The following TEX264 variants were observed in gnomAD, a reference collection of about 807,000 sequenced individuals.
The protein encoded by TEX264 is testis-expressed protein 264.
A neutral mutation model predicts 23.4 loss-of-function variants in TEX264; 13 were observed. The observed-to-expected ratio is 0.56, with a 90% CI of 0.36 to 0.88. The LOEUF (loss-of-function observed/expected upper bound fraction) is 0.88, where lower values mean the gene tolerates loss of function less well. TEX264 is among the 40% of genes least tolerant of loss of function. The pLI is 0.01. For missense variants in TEX264, 340 were observed against 406.8 expected (o/e 0.84, Z 1.41); for synonymous variants, 159 against 170.0 (o/e 0.94, Z 0.50).
intron 4 of TEX264, among the ~76,000 whole-genome samples, chr3:51,701,272 G>A (rs1660770287): frequency 1.3e-5 from 2 of 151,732 alleles, no homozygotes; most frequent in East Asian, 1.9e-4. Context: ...ACCTCCTCCT[G>A]TGTAGATCTT....
chr3:51,684,935 A>G (rs1229878966), intron 3 of TEX264, among the ~76,000 whole-genome samples: 1 of 152,080 alleles, frequency 6.6e-6, no homozygotes, highest in Non-Finnish European at 1.5e-5. Flanking sequence ...CTTATCCCAC[A>G]CTCCTGGCTC....
chr3:51,673,478 G>A (rs1553694019), intron 1 of TEX264, among the ~76,000 whole-genome samples: 3 of 151,752 alleles, frequency 2.0e-5, no homozygotes, highest in Admixed American at 6.6e-5. Flanking sequence ...CCTGCTGTGC[G>A]ACTCCCCTTT....
rs755070061 is a variant in TEX264 at position 51,703,054 on chromosome 3, C to T, written c.650-670C>T. On this transcript the variant is annotated intron_variant, in intron 4 of 4. Coordinates refer to ENST00000341333, the MANE Select transcript of TEX264 (RefSeq NM_015926.6). This position sits in a 1 kb window ranked among gnomAD's most constrained non-coding sequence, Gnocchi z 4.8. Reference sequence around the variant, plus strand: ...AGGCATAGGGAGAGAAAACCCTTAACATGTTTCATCCCAGCACCCTCCTCC... The same window carrying T: ...AGGCATAGGGAGAGAAAACCCTTAATATGTTTCATCCCAGCACCCTCCTCC... 2.6e-4 allele frequency among the ~76,000 whole-genome samples: 39 copies of T among 152,252 alleles called. No individual in the cohort carries two copies. Among genetic ancestry groups the T allele is most frequent in the Non-Finnish European group, 4.0e-4 (27 of 67,976 alleles).
intron 2 of TEX264, among the ~76,000 whole-genome samples, chr3:51,678,445 A>C (rs762963363): frequency 6.6e-6 from 1 of 152,172 alleles, no homozygotes; most frequent in Non-Finnish European, 1.5e-5. Context: ...GGCTTAAGCA[A>C]CCTGCCTGCT....
Position 51,691,522 on chromosome 3 carries a change from G to A in TEX264, c.480+6888G>A, listed in dbSNP as rs985041173. Among the ~76,000 whole-genome samples the A allele has an allele frequency of 1.3e-5, 2 of 152,204 alleles. No homozygotes were observed. Among genetic ancestry groups the A allele is most frequent in the Admixed American group, 6.5e-5 (1 of 15,292 alleles). On this transcript the variant is annotated intron_variant, in intron 3 of 4. Transcript: ENST00000341333. The surrounding 1 kb of genome is among the most constrained non-coding windows in gnomAD (Gnocchi z 4.4). ...AAAGGCAAAACAACCCTTGTGCGGT[G>A]GTGGCATTTGGGCTGCACCTATAAG... is the stretch of plus-strand genomic sequence containing the variant.
rs543740191 is a variant in TEX264, at chr3:51,686,883, G to A, written c.480+2249G>A. 4.1e-4 allele frequency among the ~76,000 whole-genome samples: 63 copies of A among 152,328 alleles called. No homozygotes were observed. The South Asian group carries it at 4.3e-3, about 11-fold the overall frequency. On this transcript the variant is annotated intron_variant, in intron 3 of 4. Transcript: ENST00000341333. This position sits in a 1 kb window ranked among gnomAD's most constrained non-coding sequence, Gnocchi z 4.1. Reference sequence around the variant, plus strand: ...GGTTCCAGACCTCAGAACAGGACATGTGGCATGTGGTGTGGTGGTGAGCAA... The same window carrying A: ...GGTTCCAGACCTCAGAACAGGACATATGGCATGTGGTGTGGTGGTGAGCAA...
chr3:51,675,921 A>G (rs1702211404), intron 2 of TEX264, among the ~76,000 whole-genome samples: 2 of 152,104 alleles, frequency 1.3e-5, no homozygotes, highest in South Asian at 4.1e-4. Context: ...ACAATTTGCC[A>G]CCTTTGTTTT....
chr3:51,672,229 T>C (rs954280327), intron 1 of TEX264: 2 of 152,158 alleles, frequency 1.3e-5, no homozygotes, highest in Non-Finnish European at 2.9e-5. Context: ...TTCTTTCAGC[T>C]CCCAGCACTG....
At chr3:51,676,816 A>C (rs1702247339) in intron 2 of TEX264, among the ~76,000 whole-genome samples, 1 of 152,186 alleles carries the variant, frequency 6.6e-6, no homozygotes, top group African/African-American at 2.4e-5. Flanking sequence ...AGACTGAGCA[A>C]ACCTAGACCC....
intron 2 of TEX264, among the ~76,000 whole-genome samples, chr3:51,679,496 T>G (rs1702349019): frequency 6.6e-6 from 1 of 152,212 alleles, no homozygotes; most frequent in Non-Finnish European, 1.5e-5. Context: ...GACTCCTGGA[T>G]GCCCCTGGGT....
rs1215494141 is a variant in TEX264 at position 51,674,338 on chromosome 3, G to A, written c.34G>A (p.Gly12Ser). Residue 12 changes from glycine to serine, a missense_variant, in exon 2 of 5, where the codon GGC becomes AGC. Transcript: ENST00000341333. ...CCTGCTACTACTGGGCCTGATTGGG[G>A]GCCTGACTCTCTTACTGCTGCTGAC... ...SDLLLLGLIG[G>S]LTLLLLLTLL... 1 of 1,614,172 alleles carries A rather than the reference G, an allele frequency of 6.2e-7. No homozygotes were observed. Among genetic ancestry groups the A allele is most frequent in the East Asian group, 2.2e-5 (1 of 44,888 alleles).
intron 4 of TEX264, among the ~76,000 whole-genome samples, chr3:51,700,541 G>A (rs145875468): frequency 3.9e-5 from 6 of 152,134 alleles, no homozygotes; most frequent in African/African-American, 7.2e-5. Flanking sequence ...GGTAGTGCCC[G>A]GCAGACACTC....
Position 51,695,852 on chromosome 3 carries a change from G to A in TEX264, c.481-3554G>A, listed in dbSNP as rs138510397. On this transcript the variant is annotated intron_variant, in intron 3 of 4. Coordinates refer to ENST00000341333, the MANE Select transcript of TEX264 (RefSeq NM_015926.6). ...AGGTGTTGGTGCAGGGTGGGGTGGT[G>A]GTGGGGAAGTGCTGGTGTCTGGGGT... 4.4e-3 allele frequency among the ~76,000 whole-genome samples: 677 copies of A among 152,264 alleles called. 2 individuals carry two copies. The highest frequency in any genetic ancestry group is 7.5e-3 in the Non-Finnish European group (512 of 68,004).
intron 2 of TEX264, among the ~76,000 whole-genome samples, chr3:51,675,181 G>C (rs571357202): frequency 6.6e-6 from 1 of 152,332 alleles, no homozygotes; most frequent in Admixed American, 6.5e-5. Flanking sequence ...AGAATGTTCA[G>C]AATGCTGAAG....
At chr3:51,671,780 C>T (rs1275290721) in intron 1 of TEX264, 1 of 152,388 alleles carries the variant, frequency 6.6e-6, no homozygotes, top group East Asian at 1.9e-4. Context: ...GTCCTTCCGC[C>T]CTCTGCTAGC....
At chr3:51,674,637 G>T in intron 2 of TEX264, 75 bp downstream of exon 2, 1 of 1,553,748 alleles carries the variant, frequency 6.4e-7, no homozygotes, top group East Asian at 2.3e-5. Context: ...GGGTAGTTTT[G>T]GTTGCTGAGG....
At position 51,704,323 on chromosome 3, in the gene TEX264, A is replaced by T; in HGVS notation, c.*307A>T. On this transcript the variant is annotated 3_prime_UTR_variant, in exon 5 of 5. Coordinates refer to ENST00000341333, the MANE Select transcript of TEX264 (RefSeq NM_015926.6). Reference sequence around the variant, plus strand: ...CCAATGATTTACTTGTTTCACCTGGATTTGGGTTGTGTATTTGTTTGTTCT... The same window carrying T: ...CCAATGATTTACTTGTTTCACCTGGTTTTGGGTTGTGTATTTGTTTGTTCT... 31 of 215,710 alleles carry T rather than the reference A, an allele frequency of 1.4e-4. No homozygotes were observed. Among genetic ancestry groups the T allele is most frequent in the Non-Finnish European group, 2.1e-4 (23 of 109,912 alleles). 13.4% of individuals were successfully genotyped at this position (215,710 alleles called of 1,614,324 possible).
At chr3:51,687,152 G>A (rs1702650426) in intron 3 of TEX264, among the ~76,000 whole-genome samples, 1 of 152,224 alleles carries the variant, frequency 6.6e-6, no homozygotes, top group Admixed American at 6.5e-5. Context: ...ACAGGTGTGA[G>A]GCATGCTTGT....
intron 2 of TEX264, among the ~76,000 whole-genome samples, chr3:51,676,370 G>C (rs1017559601): frequency 6.6e-6 from 1 of 152,226 alleles, no homozygotes; most frequent in African/African-American, 2.4e-5. Flanking sequence ...GCTGGAGGCT[G>C]GTCTAGGGAA....
Sources: gnomAD v4.1 joint callset for allele counts (sites outside exome capture counted in the v4.1 genomes callset) on GRCh38, gnomAD v4.1.1 for gene constraint, Gnocchi (gnomAD v3.1) non-coding constraint, MANE v1.5 for transcripts, NCBI Gene and HGNC (gene_info 2026-07-23, HGNC 2026-07-21) for gene names.